SP100: variants seen among roughly 807,000 people sequenced by gnomAD.
The protein encoded by SP100 is SP100 nuclear body protein.
A neutral mutation model predicts 130.0 loss-of-function variants in SP100; 84 were observed. The ratio of observed to expected loss-of-function variants is 0.65; its 90% CI spans 0.54 to 0.77. SP100 has a LOEUF of 0.77. SP100 is among the 30% of genes least tolerant of loss of function. The pLI, the probability that SP100 is intolerant of heterozygous loss-of-function variation, is 0.00. For synonymous variants in SP100, 331 were observed against 351.7 expected (o/e 0.94, Z 0.66); for missense variants, 978 against 1,052.2 (o/e 0.93, Z 0.97).
intron 17 of SP100, among the ~76,000 whole-genome samples, chr2:230,486,308 C>T (rs982452128): frequency 2.0e-5 from 3 of 151,802 alleles, no homozygotes; most frequent in African/African-American, 7.3e-5. Context: ...ACTGATTGAC[C>T]CATCCTCTAG....
At chr2:230,499,514 G>GATAGATATATATATTTATATATATAAATA (rs1575752224) in intron 19 of SP100, among the ~76,000 whole-genome samples, 1 of 21,916 alleles carries the variant, frequency 4.6e-5, no homozygotes, top group African/African-American at 1.8e-4. Flanking sequence ...ATATATAAAT[G>GATAGATATATATATTTATATATATAAATA]TATGCAACTG....
chr2:230,527,555 G>A (rs12991608), intron 24 of SP100, among the ~76,000 whole-genome samples: 1 of 151,924 alleles, frequency 6.6e-6, no homozygotes, highest in African/African-American at 2.4e-5. Flanking sequence ...ATAATGACAG[G>A]ATCAAACTCA....
At position 230,542,849 on chromosome 2, in the gene SP100, C is replaced by A. The variant is rs751364976; in HGVS notation, c.2561C>A (p.Thr854Asn). The A allele has an allele frequency of 3.7e-6, 6 of 1,606,614 alleles. No homozygotes were observed. The highest frequency in any genetic ancestry group is 4.3e-6 in the Non-Finnish European group (5 of 1,173,884). ...TTGCTTTTTTAGGAAGATAAATTCA[C>A]CAGACTGGGAATTCAAGTACAGGAC... Reference protein sequence around the residue: ...HKEFYREDKFTRLGIQVQDIF... With the variant: ...HKEFYREDKFNRLGIQVQDIF... The change falls in exon 29 of 29, where the codon ACC (threonine) becomes AAC (asparagine). Residue 854 changes from threonine (T) to asparagine (N), a missense_variant. Transcript: ENST00000340126.
At position 230,442,979 on chromosome 2, in the gene SP100, T is replaced by C. The variant is rs745377587; in HGVS notation, c.150T>C (p.Tyr50=). The part of the protein sequence containing the change: ...EDQGVDDRLL[Y]DIVFKHFKRN... ...AGGGTGTAGATGACAGGCTGCTCTA[T>C]GACATTGTATTCAAGCACTTCAAAA... The change falls in exon 3 of 29, where the codon TAT becomes TAC. Residue 50 remains tyrosine (Y), a synonymous_variant. Coordinates refer to ENST00000340126, the MANE Select transcript of SP100 (RefSeq NM_001080391.2). 1.6e-5 allele frequency: 26 copies of C among 1,614,038 alleles called. No individual in the cohort carries two copies. The highest frequency in any genetic ancestry group is 2.1e-5 in the Non-Finnish European group (25 of 1,179,908).
In SP100 at chr2:230,542,914, G is replaced by A. The variant is rs759076510; in HGVS notation, c.2626G>A (p.Glu876Lys). Residue 876 changes from glutamate to lysine, a missense_variant, in exon 29 of 29, where the codon GAA (glutamate) becomes AAA (lysine). Glu to Lys is a moderately conservative substitution (Grantham distance 56). Transcript: ENST00000340126. ...KNFRNIFAIQ[E>K]TSKNIIMFI ...TTTCAGAAACATTTTTGCAATTCAG[G>A]AAACAAGCAAGAACATTATAATGTT... The A allele has an allele frequency of 6.4e-5, 102 of 1,605,964 alleles. No homozygotes were observed. The highest frequency in any genetic ancestry group is 8.5e-5 in the Non-Finnish European group (100 of 1,172,784).
chr2:230,439,837 C>T (rs371755176), intron 2 of SP100, among the ~76,000 whole-genome samples: 2 of 152,078 alleles, frequency 1.3e-5, no homozygotes. Flanking sequence ...TCTGACTGCT[C>T]GGGCTAGGAC....
intron 24 of SP100, chr2:230,515,371 C>T (rs1690852790): frequency 1.9e-6 from 3 of 1,613,798 alleles, no homozygotes; most frequent in East Asian, 2.2e-5. Flanking sequence ...CAAAGGAGAA[C>T]ATCCTGGCCT....
chr2:230,526,464 C>T (rs1283752681), intron 24 of SP100, among the ~76,000 whole-genome samples: 1 of 152,106 alleles, frequency 6.6e-6, no homozygotes, highest in East Asian at 1.9e-4. Flanking sequence ...GGAGAAACCA[C>T]AGCAGAAAAG....
In SP100 at chr2:230,506,443, G is replaced by T; in HGVS notation, c.2011G>T (p.Glu671Ter). ...CGGYTLKVLM[E>*]NKFLPEPPST... ...TGGATATACCCTGAAAGTCCTGATGGAGGTATTCTAGTGACAGATGGCTGA... is the reference window on the plus strand; with the variant it reads ...TGGATATACCCTGAAAGTCCTGATGTAGGTATTCTAGTGACAGATGGCTGA... Residue 671 changes from glutamate (E) to a stop codon, truncating the protein, a stop_gained and splice_region_variant, in exon 22 of 29, where the codon GAG becomes TAG. Coordinates refer to ENST00000340126, the MANE Select transcript of SP100 (RefSeq NM_001080391.2). LOFTEE classifies it high-confidence loss of function. 6.2e-7 allele frequency: 1 copy of T among 1,613,636 alleles called. No individual in the cohort carries two copies. The highest frequency in any genetic ancestry group is 8.5e-7 in the Non-Finnish European group (1 of 1,179,644).
At chr2:230,519,293 C>T (rs1409256861) in intron 24 of SP100, among the ~76,000 whole-genome samples, 1 of 152,134 alleles carries the variant, frequency 6.6e-6, no homozygotes, top group Non-Finnish European at 1.5e-5. Flanking sequence ...TTACCAATGT[C>T]AGTGGGAGAT....
At chr2:230,464,849 T>C (rs1485148370) in intron 11 of SP100, among the ~76,000 whole-genome samples, 1 of 152,110 alleles carries the variant, frequency 6.6e-6, no homozygotes, top group Non-Finnish European at 1.5e-5. Context: ...TCCCAGCACT[T>C]TGGGAGGCTA....
intron 2 of SP100, among the ~76,000 whole-genome samples, chr2:230,424,545 G>C (rs2062863519): frequency 6.6e-6 from 1 of 152,018 alleles, no homozygotes; most frequent in African/African-American, 2.4e-5. Context: ...GCAGGCACCT[G>C]TAATCCCAGC....
At chr2:230,430,557 C>A (rs989889237) in intron 2 of SP100, among the ~76,000 whole-genome samples, 2 of 152,224 alleles carry the variant, frequency 1.3e-5, no homozygotes, top group African/African-American at 4.8e-5. Context: ...CTGGGCTCAT[C>A]AGGAAGGTAG....
At chr2:230,475,728 T>C (rs1383044838) in intron 17 of SP100, among the ~76,000 whole-genome samples, 3 of 152,148 alleles carry the variant, frequency 2.0e-5, no homozygotes, top group Admixed American at 2.0e-4. Flanking sequence ...ATGAGAAGTA[T>C]GGGTCCAGTT....
intron 24 of SP100, among the ~76,000 whole-genome samples, chr2:230,522,467 C>G (rs1691215751): frequency 7.5e-6 from 1 of 133,686 alleles, no homozygotes; most frequent in African/African-American, 2.8e-5. Context: ...GCTCTTTGGC[C>G]CCAGTGTTCT....
In SP100 at chr2:230,423,064, G is replaced by A. The variant is rs186995759; in HGVS notation, c.107+5399G>A. Among the ~76,000 whole-genome samples, 46 of 152,270 alleles carry A rather than the reference G, an allele frequency of 3.0e-4. No individual in the cohort carries two copies. In the South Asian group the frequency reaches 4.1e-3, roughly 14 times the overall value. ...GTATTAGAATGATTTGTTTAATACAGACATCATCTGTTCCTTGAAAGATTG... is the reference window on the plus strand; with the variant it reads ...GTATTAGAATGATTTGTTTAATACAAACATCATCTGTTCCTTGAAAGATTG... On this transcript the variant is annotated intron_variant, in intron 2 of 28. Transcript: ENST00000340126.
intron 17 of SP100, among the ~76,000 whole-genome samples, chr2:230,477,949 A>AG (rs2065649724): frequency 6.7e-6 from 1 of 149,774 alleles, no homozygotes; most frequent in Non-Finnish European, 1.5e-5. Context: ...CAAAACAAAC[A>AG]AAAAAAAAAG....
chr2:230,438,306 G>A lies in SP100; in HGVS notation c.108-4631G>A, dbSNP rs563546997. Among the ~76,000 whole-genome samples, 3 of 151,814 alleles carry A rather than the reference G, an allele frequency of 2.0e-5. No individual in the cohort carries two copies. The South Asian group carries it at 6.3e-4, about 32-fold the overall frequency. ...TTATTTCATTTCAGTAGTTTTGGGG[G>A]AACAGGTGGTTTTGGTTACATAGAT... On this transcript the variant is annotated intron_variant, in intron 2 of 28. Coordinates refer to ENST00000340126, the MANE Select transcript of SP100 (RefSeq NM_001080391.2).
intron 2 of SP100, chr2:230,440,626 T>C: frequency 7.6e-7 from 1 of 1,309,142 alleles, no homozygotes; most frequent in African/African-American, 1.5e-5. Flanking sequence ...CTCCCCCAAA[T>C]TTATCTGTAG....
Sources: gnomAD v4.1 joint callset for allele counts (sites outside exome capture counted in the v4.1 genomes callset) on GRCh38, gnomAD v4.1.1 for gene constraint, MANE v1.5 for transcripts, NCBI Gene and HGNC (gene_info 2026-07-23, HGNC 2026-07-21) for gene names.